Variants in LINGO2 observed in about 807,000 individuals in gnomAD.
LINGO2 encodes leucine-rich repeat and immunoglobulin-like domain-containing nogo receptor-interacting protein 2.
A neutral mutation model predicts 30.6 loss-of-function variants in LINGO2; 14 were observed. That is an observed-to-expected ratio of 0.46 (90% confidence interval 0.30 to 0.72). The LOEUF (loss-of-function observed/expected upper bound fraction) is 0.72. Among genes scored for constraint, LINGO2 ranks in the 30% least tolerant of loss-of-function variants. The pLI is 0.07. For synonymous variants in LINGO2, 317 were observed against 288.5 expected, an observed-to-expected ratio of 1.10 and a Z score of -1.00; for missense variants, 729 against 751.7, an observed-to-expected ratio of 0.97 and a Z score of 0.35.
At chr9:28,096,221 T>A (rs1408664903) in intron 4 of LINGO2, among the ~76,000 whole-genome samples, 1 of 152,152 alleles carries the variant, frequency 6.6e-6, no homozygotes, top group Non-Finnish European at 1.5e-5. Context: ...GTAATAGGGA[T>A]TAAATAAGTG....
At chr9:29,049,949 C>A in the LINGO2 span, among the ~76,000 whole-genome samples, 2 of 151,976 alleles carry the variant, frequency 1.3e-5, no homozygotes, top group Admixed American at 6.6e-5. Flanking sequence ...TAAAAAAGTA[C>A]AATTGGATTG....
intron 4 of LINGO2, among the ~76,000 whole-genome samples, chr9:28,220,839 C>A (rs1339545226): frequency 6.6e-6 from 1 of 152,038 alleles, no homozygotes; most frequent in African/African-American, 2.4e-5. Flanking sequence ...AGCAAAACAA[C>A]CAAGTAACAC....
chr9:29,063,549 C>T, the LINGO2 span, among the ~76,000 whole-genome samples: 1 of 151,946 alleles, frequency 6.6e-6, no homozygotes, highest in Non-Finnish European at 1.5e-5. Flanking sequence ...CAGAGGTCTG[C>T]CACCATGCCC....
intron 4 of LINGO2, among the ~76,000 whole-genome samples, chr9:28,142,903 T>C (rs1309842591): frequency 1.3e-5 from 2 of 152,218 alleles, no homozygotes; most frequent in African/African-American, 4.8e-5. Flanking sequence ...ACTTAACAGT[T>C]GGTTTAGTTG....
At chr9:28,871,464 A>G in the LINGO2 span, among the ~76,000 whole-genome samples, 4 of 151,770 alleles carry the variant, frequency 2.6e-5, no homozygotes, top group African/African-American at 9.7e-5. Flanking sequence ...GGAGATTTCA[A>G]CATTTTACTT....
intron 4 of LINGO2, among the ~76,000 whole-genome samples, chr9:28,242,660 G>A (rs1806016280): frequency 6.6e-6 from 1 of 152,020 alleles, no homozygotes; most frequent in Admixed American, 6.6e-5. Context: ...TCAACCCCAA[G>A]ACACATAATG....
the LINGO2 span, among the ~76,000 whole-genome samples, chr9:28,818,869 A>T: frequency 1.3e-5 from 2 of 152,216 alleles, no homozygotes; most frequent in African/African-American, 2.4e-5. Flanking sequence ...CTAAAAAAAA[A>T]ACTTTAAACC....
intron 4 of LINGO2, among the ~76,000 whole-genome samples, chr9:28,241,520 G>T (rs946444565): frequency 6.6e-6 from 1 of 152,050 alleles, no homozygotes; most frequent in Non-Finnish European, 1.5e-5. Flanking sequence ...GCCACAGGGG[G>T]CAGGGGAGCC....
the LINGO2 span, among the ~76,000 whole-genome samples, chr9:28,725,358 A>C: frequency 6.6e-6 from 1 of 152,132 alleles, no homozygotes; most frequent in South Asian, 2.1e-4. Context: ...GACATTGAGT[A>C]AACTATGCTG....
chr9:29,149,570 G>A, the LINGO2 span, among the ~76,000 whole-genome samples: 1 of 151,778 alleles, frequency 6.6e-6, no homozygotes, highest in Non-Finnish European at 1.5e-5. Flanking sequence ...CCAAATGCTA[G>A]GGCTAGTTTC....
At chr9:28,973,463 T>C in the LINGO2 span, among the ~76,000 whole-genome samples, 797 of 152,240 alleles carry the variant, frequency 5.2e-3, 9 homozygotes, top group African/African-American at 0.018. Flanking sequence ...GTGGAGATAA[T>C]TGAATCATGG....
chr9:28,068,182 C>T (rs1046586177), intron 4 of LINGO2, among the ~76,000 whole-genome samples: 5 of 152,022 alleles, frequency 3.3e-5, no homozygotes, highest in African/African-American at 7.2e-5. Flanking sequence ...TTAGTCAGCT[C>T]GGCCTGCCAT....
At chr9:28,072,853 C>T (rs10968329) in intron 4 of LINGO2, among the ~76,000 whole-genome samples, 20,856 of 151,972 alleles carry the variant, frequency 0.14, 1,852 homozygotes, top group Middle Eastern at 0.2. Context: ...GACAACGTAG[C>T]GGTACTCATG....
chr9:29,206,934 A>G, the LINGO2 span, among the ~76,000 whole-genome samples: 1 of 152,068 alleles, frequency 6.6e-6, no homozygotes, highest in Non-Finnish European at 1.5e-5. Flanking sequence ...AAGAAAAAAC[A>G]TTTGCAATCC....
rs977966751 is a variant in LINGO2 at position 28,495,852 on chromosome 9, T to C, written c.-364-19827A>G. On this transcript the variant is annotated intron_variant, in intron 1 of 5. Transcript: ENST00000379992. ...TAAATGTGTCCCAGAGATTCTGGTA[T>C]ATTGTGTCTTTGTTCTCATTGGTTT... 7.4e-4 allele frequency among the ~76,000 whole-genome samples: 113 copies of C among 152,312 alleles called. 1 individual carries two copies. The highest frequency in any genetic ancestry group is 2.5e-3 in the African/African-American group (102 of 41,572).
chr9:27,983,344 T>C (rs1399693885), intron 5 of LINGO2, among the ~76,000 whole-genome samples: 1 of 151,892 alleles, frequency 6.6e-6, no homozygotes, highest in Non-Finnish European at 1.5e-5. Context: ...CTCAATCATT[T>C]GAAGTAGGTG....
intron 1 of LINGO2, among the ~76,000 whole-genome samples, chr9:28,522,527 G>C (rs1047236269): frequency 6.6e-6 from 1 of 152,094 alleles, no homozygotes; most frequent in Non-Finnish European, 1.5e-5. Context: ...AGAGTCATAA[G>C]CAGAAAAATA....
the LINGO2 span, among the ~76,000 whole-genome samples, chr9:28,981,010 T>A: frequency 6.6e-6 from 1 of 152,130 alleles, no homozygotes; most frequent in African/African-American, 2.4e-5. Context: ...CGTACCTTAC[T>A]GGTAATACAC....
intron 1 of LINGO2, among the ~76,000 whole-genome samples, chr9:28,660,020 C>T (rs1334488969): frequency 2.0e-5 from 3 of 152,158 alleles, no homozygotes; most frequent in African/African-American, 4.8e-5. Flanking sequence ...TAATGAGCAA[C>T]GTCAGTGACC....
Sources: gnomAD v4.1 joint callset for allele counts (sites outside exome capture counted in the v4.1 genomes callset) on GRCh38, gnomAD v4.1.1 for gene constraint, MANE v1.5 for transcripts, NCBI Gene and HGNC (gene_info 2026-07-23, HGNC 2026-07-21) for gene names.